Variants in HECTD2 observed in about 807,000 individuals in gnomAD.
HECTD2 encodes probable E3 ubiquitin-protein ligase HECTD2.
In HECTD2, 35 loss-of-function variants were observed where a neutral mutation model predicts 103.2. The observed-to-expected ratio is 0.34, with a 90% CI of 0.26 to 0.45. The LOEUF (loss-of-function observed/expected upper bound fraction) is 0.45, where lower values mean the gene tolerates loss of function less well. Among genes scored for constraint, HECTD2 ranks in the 20% least tolerant of loss-of-function variants. HECTD2 has a pLI of 1.00. For missense variants in HECTD2, 596 were observed against 937.4 expected (o/e 0.64, Z 4.76); for synonymous variants, 281 against 329.9 (o/e 0.85, Z 1.61).
chr10:91,499,735 A>G (rs1341241933), intron 18 of HECTD2, among the ~76,000 whole-genome samples: 1 of 152,124 alleles, frequency 6.6e-6, no homozygotes, highest in Non-Finnish European at 1.5e-5. Flanking sequence ...ACACACTTTC[A>G]TCATGCCATT....
intron 2 of HECTD2, among the ~76,000 whole-genome samples, chr10:91,431,179 C>A (rs527867743): frequency 6.6e-6 from 1 of 151,824 alleles, no homozygotes; most frequent in African/African-American, 2.4e-5. Flanking sequence ...GTTGAAAATT[C>A]TTTTCTTTAA....
intron 20 of HECTD2, 133 bp downstream of exon 20, chr10:91,501,467 G>T: frequency 1.9e-6 from 1 of 524,918 alleles, no homozygotes; most frequent in South Asian, 3.4e-5. Context: ...AGTAAACATG[G>T]CCTTGAAATG....
Position 91,461,314 on chromosome 10 carries a change from A to G in HECTD2, c.468A>G (p.Leu156=), listed in dbSNP as rs1845339924. Residue 156 remains leucine (L), a synonymous_variant, in exon 4 of 21, where the codon CTA becomes CTG. Transcript: ENST00000298068. ...GGAAAGCAGTACATGATTTTTATCT[A>G]ACAACGTTTGATTCTTTCCCAGAAT... ...GDWKAVHDFY[L]TTFDSFPELN... 1.3e-6 allele frequency: 2 copies of G among 1,554,662 alleles called. No individual in the cohort carries two copies. Among genetic ancestry groups the G allele is most frequent in the Non-Finnish European group, 1.7e-6 (2 of 1,150,754 alleles).
intron 20 of HECTD2, among the ~76,000 whole-genome samples, chr10:91,507,833 A>C (rs1483235913): frequency 8.2e-6 from 1 of 122,534 alleles, no homozygotes; most frequent in Non-Finnish European, 1.6e-5. Context: ...AAGCCAAAAG[A>C]ACAAAGCTGG....
chr10:91,490,755 G>A (rs1183698759), intron 11 of HECTD2, among the ~76,000 whole-genome samples: 1 of 150,986 alleles, frequency 6.6e-6, no homozygotes, highest in Non-Finnish European at 1.5e-5. Flanking sequence ...GCCGGGCGTG[G>A]TGGTGGGCGC....
At chr10:91,510,277 A>G (rs1847371484) in intron 20 of HECTD2, among the ~76,000 whole-genome samples, 1 of 152,192 alleles carries the variant, frequency 6.6e-6, no homozygotes, top group East Asian at 1.9e-4. Context: ...AGAATGGCCA[A>G]GATTGCAAAG....
At chr10:91,439,706 A>G (rs555101064) in intron 2 of HECTD2, among the ~76,000 whole-genome samples, 1 of 152,240 alleles carries the variant, frequency 6.6e-6, no homozygotes, top group African/African-American at 2.4e-5. Context: ...GATTCTTCCT[A>G]TCCATGAGGA....
chr10:91,490,496 TA>T (rs539549887), intron 11 of HECTD2, among the ~76,000 whole-genome samples: 47 of 152,278 alleles, frequency 3.1e-4, no homozygotes, highest in Admixed American at 5.2e-4. Context: ...ATTCAATATC[TA>T]AAAAATCCTA....
intron 1 of HECTD2, among the ~76,000 whole-genome samples, chr10:91,422,496 T>C (rs1415407411): frequency 2.0e-5 from 3 of 152,170 alleles, no homozygotes; most frequent in African/African-American, 7.2e-5. Context: ...GTTCGCACTA[T>C]TATTAAGATT....
At chr10:91,466,642 G>A (rs1405834061) in intron 5 of HECTD2, among the ~76,000 whole-genome samples, 2 of 152,066 alleles carry the variant, frequency 1.3e-5, no homozygotes, top group East Asian at 3.9e-4. Flanking sequence ...CTTACCATAT[G>A]ATCCCTCACT....
At chr10:91,496,849 CTT>C (rs1846685500) in intron 15 of HECTD2, among the ~76,000 whole-genome samples, 1 of 151,722 alleles carries the variant, frequency 6.6e-6, no homozygotes, top group East Asian at 1.9e-4. Flanking sequence ...TAAAATAAAA[CTT>C]TAATTTTTTC....
At chr10:91,418,762 C>A (rs1242302852) in intron 1 of HECTD2, among the ~76,000 whole-genome samples, 1 of 152,110 alleles carries the variant, frequency 6.6e-6, no homozygotes, top group South Asian at 2.1e-4. Flanking sequence ...ATATCGTTGG[C>A]TCCAGGATGG....
At chr10:91,461,422 T>C in intron 4 of HECTD2, 66 bp downstream of exon 4, 1 of 753,542 alleles carries the variant, frequency 1.3e-6, no homozygotes, top group South Asian at 1.9e-5. Context: ...AATGATAAAT[T>C]TACCTCATTT....
Position 91,501,264 on chromosome 10 carries a change from G to T in HECTD2, c.2140G>T (p.Asp714Tyr). 1 of 1,603,328 alleles carries T rather than the reference G, an allele frequency of 6.2e-7. No homozygotes were observed. Among genetic ancestry groups the T allele is most frequent in the Non-Finnish European group, 8.5e-7 (1 of 1,171,040 alleles). Residue 714 changes from aspartate to tyrosine, a missense_variant, in exon 20 of 21, where the codon GAC (aspartate) becomes TAC (tyrosine). By Grantham distance (160) the Asp-to-Tyr change is radical. This residue lies in a region of HECTD2 where 69 missense variants were observed against 153.8 expected (regional missense o/e 0.45). Coordinates refer to ENST00000298068, the MANE Select transcript of HECTD2 (RefSeq NM_182765.6). ...GTTGCTACATTTTACTACAGGGAGT[G>T]ACAGAGTACCTGTAGGAGGGATGGC... ...KKLLHFTTGSDRVPVGGMADL... is the reference protein window; with the variant it reads ...KKLLHFTTGSYRVPVGGMADL...
chr10:91,426,793 C>T (rs1253859482), intron 2 of HECTD2, among the ~76,000 whole-genome samples: 1 of 151,740 alleles, frequency 6.6e-6, no homozygotes, highest in Non-Finnish European at 1.5e-5. Flanking sequence ...TGTGTGCTTC[C>T]TTCTCATCTG....
At chr10:91,468,960 A>AAAAAAAAAAAC (rs1554876027) in intron 5 of HECTD2, among the ~76,000 whole-genome samples, 1 of 151,056 alleles carries the variant, frequency 6.6e-6, no homozygotes, top group Non-Finnish European at 1.5e-5. Context: ...AAAAAAAACA[A>AAAAAAAAAAAC]GAGTACAGTT....
At position 91,498,027 on chromosome 10, in the gene HECTD2, C is replaced by T. The variant is rs1020578879; in HGVS notation, c.1681-81C>T. ...CAAATATGATCTTTATATACATATG[C>T]ATGAGCTATAGAAAAGCCACTTCAT... On this transcript the variant is annotated intron_variant, in intron 15 of 20. Transcript: ENST00000298068. 3 of 846,060 alleles carry T rather than the reference C, an allele frequency of 3.5e-6. No homozygotes were observed. The African/African-American group carries it at 5.0e-5, about 14-fold the overall frequency. 52.4% of individuals were successfully genotyped at this position (846,060 alleles called of 1,614,324 possible).
At chr10:91,484,457 GAAATAGA>G (rs1012462317) in intron 8 of HECTD2, 43 bp from the exon 9 acceptor site, 1 of 1,572,066 alleles carries the variant, frequency 6.4e-7, no homozygotes, top group African/African-American at 1.4e-5. Context: ...GATAATTTTG[GAAATAGA>G]AAATGTGAAT....
intron 5 of HECTD2, among the ~76,000 whole-genome samples, chr10:91,469,059 A>G (rs1845635144): frequency 6.6e-6 from 1 of 152,094 alleles, no homozygotes; most frequent in South Asian, 2.1e-4. Flanking sequence ...TCAGACAAAA[A>G]TAAAAAATAA....
Sources: gnomAD v4.1 joint callset for allele counts (sites outside exome capture counted in the v4.1 genomes callset) on GRCh38, gnomAD v4.1.1 for gene constraint, gnomAD v4.1.1 regional missense constraint, MANE v1.5 for transcripts, NCBI Gene and HGNC (gene_info 2026-07-23, HGNC 2026-07-21) for gene names.